The following KCNN2 variants were observed in gnomAD, a reference collection of about 807,000 sequenced individuals.
The protein encoded by KCNN2 is potassium calcium-activated channel subfamily N member 2, also known as small conductance calcium-activated potassium channel protein 2.
Under a neutral mutation model 55.5 loss-of-function variants are expected in KCNN2, and 24 were observed. That is an observed-to-expected ratio of 0.43 (90% CI 0.31 to 0.61). The LOEUF is 0.61. KCNN2 is among the 20% of genes least tolerant of loss of function. The pLI is 0.08. For missense variants in KCNN2, 754 were observed against 853.6 expected (o/e 0.88, Z 1.45); for synonymous variants, 431 against 336.1 (o/e 1.28, Z -3.09).
At chr5:114,417,249 G>A (rs1759333550) in intron 3 of KCNN2, among the ~76,000 whole-genome samples, 1 of 152,160 alleles carries the variant, frequency 6.6e-6, no homozygotes, top group African/African-American at 2.4e-5. Flanking sequence ...CTAATTTAAT[G>A]GTGACCAGCC....
intron 1 of KCNN2, among the ~76,000 whole-genome samples, chr5:114,101,974 G>A (rs1751382217): frequency 6.6e-6 from 1 of 152,122 alleles, no homozygotes; most frequent in Admixed American, 6.5e-5. Context: ...GGGTCAAATG[G>A]TATTTCGAGT....
chr5:114,451,313 G>A (rs1444459594), intron 3 of KCNN2, among the ~76,000 whole-genome samples: 4 of 152,090 alleles, frequency 2.6e-5, no homozygotes, highest in Admixed American at 6.6e-5. Context: ...GAACATAGCC[G>A]CTGATGGTCT....
intron 3 of KCNN2, among the ~76,000 whole-genome samples, chr5:114,434,948 ATTG>A (rs1422322627): frequency 2.0e-5 from 3 of 152,170 alleles, no homozygotes; most frequent in Non-Finnish European, 2.9e-5. Context: ...AGGGCAAGCT[ATTG>A]TTAAGAACAA....
intron 2 of KCNN2, among the ~76,000 whole-genome samples, chr5:114,245,632 G>A (rs1466177913): frequency 6.6e-6 from 1 of 152,034 alleles, no homozygotes; most frequent in Non-Finnish European, 1.5e-5. Flanking sequence ...ATCTGACTGT[G>A]AAATAACAAT....
intron 1 of KCNN2, among the ~76,000 whole-genome samples, chr5:114,100,101 A>G (rs1260519916): frequency 1.3e-5 from 2 of 152,082 alleles, no homozygotes; most frequent in Non-Finnish European, 2.9e-5. Context: ...TGAAAACAGT[A>G]GAAAGGAATG....
chr5:114,445,928 C>G (rs1388472150), intron 3 of KCNN2, among the ~76,000 whole-genome samples: 1 of 152,184 alleles, frequency 6.6e-6, no homozygotes, highest in Non-Finnish European at 1.5e-5. Context: ...ACAGTATGGG[C>G]AGGATCACGG....
chr5:114,456,106 A>G (rs939447328), intron 3 of KCNN2, among the ~76,000 whole-genome samples: 1 of 152,210 alleles, frequency 6.6e-6, no homozygotes, highest in African/African-American at 2.4e-5. Context: ...CTATTGGAAA[A>G]ATATGTCATC....
Position 114,291,311 on chromosome 5 carries a change from G to T in KCNN2, c.-184-69634G>T, listed in dbSNP as rs1755881807. ...CCATTAACTCATCATTTAGCATTAG[G>T]TTTATCTCCTAATGCTATCCCTCCC... On this transcript the variant is annotated intron_variant, in intron 2 of 10. Transcript: ENST00000512097. Among the ~76,000 whole-genome samples, 5 of 151,978 alleles carry T rather than the reference G, an allele frequency of 3.3e-5. No homozygotes were observed. The South Asian group carries it at 1.0e-3, about 32-fold the overall frequency.
chr5:114,385,900 C>T (rs570156760), intron 2 of KCNN2, among the ~76,000 whole-genome samples: 6 of 151,632 alleles, frequency 4.0e-5, no homozygotes, highest in South Asian at 2.1e-4. Flanking sequence ...GTATTAAGGC[C>T]GGGCGCAGTG....
At chr5:114,286,678 A>C (rs1408572235) in intron 2 of KCNN2, among the ~76,000 whole-genome samples, 1 of 152,172 alleles carries the variant, frequency 6.6e-6, no homozygotes, top group Non-Finnish European at 1.5e-5. Flanking sequence ...CAAGACTAGG[A>C]GAACAATTTT....
intron 1 of KCNN2, among the ~76,000 whole-genome samples, chr5:114,160,337 G>A (rs916257655): frequency 6.6e-6 from 1 of 152,128 alleles, no homozygotes; most frequent in African/African-American, 2.4e-5. Flanking sequence ...TTATTCCTGA[G>A]TTCTAGTTTG....
intron 1 of KCNN2, among the ~76,000 whole-genome samples, chr5:114,098,271 G>GT (rs1751303693): frequency 1.3e-5 from 2 of 152,028 alleles, no homozygotes; most frequent in Non-Finnish European, 2.9e-5. Context: ...CCATGTAAGG[G>GT]AACATTCACA....
At chr5:114,059,291 A>G (rs1561457904) in intron 1 of KCNN2, among the ~76,000 whole-genome samples, 1 of 152,208 alleles carries the variant, frequency 6.6e-6, no homozygotes, top group Non-Finnish European at 1.5e-5. Flanking sequence ...ACGTTCAAAG[A>G]AATCATATTT....
chr5:114,346,150 A>G (rs2150038426), intron 2 of KCNN2, among the ~76,000 whole-genome samples: 1 of 152,326 alleles, frequency 6.6e-6, no homozygotes, highest in African/African-American at 2.4e-5. Context: ...CAAAGCAGGA[A>G]TTGGGGTTGG....
intron 3 of KCNN2, among the ~76,000 whole-genome samples, chr5:114,425,259 A>G (rs1382104137): frequency 6.6e-6 from 1 of 152,246 alleles, no homozygotes; most frequent in Non-Finnish European, 1.5e-5. Flanking sequence ...CTTCCAATTC[A>G]CATGGCAGTT....
chr5:114,120,991 G>T (rs1265270584), intron 1 of KCNN2, among the ~76,000 whole-genome samples: 2 of 152,190 alleles, frequency 1.3e-5, no homozygotes, highest in South Asian at 4.1e-4. Flanking sequence ...ATCAATTGGG[G>T]TGTCTTGTGC....
intron 2 of KCNN2, among the ~76,000 whole-genome samples, chr5:114,278,315 T>G (rs1265695488): frequency 1.3e-5 from 2 of 152,054 alleles, no homozygotes; most frequent in African/African-American, 2.4e-5. Flanking sequence ...AGGGACCCAC[T>G]TGAGGAAGCA....
chr5:114,399,902 A>G (rs1181740443), intron 2 of KCNN2, among the ~76,000 whole-genome samples: 2 of 146,690 alleles, frequency 1.4e-5, no homozygotes, highest in African/African-American at 2.5e-5. Context: ...AGAGATGTAC[A>G]TAGTAGCCTT....
At chr5:114,385,154 T>A (rs1242594162) in intron 2 of KCNN2, among the ~76,000 whole-genome samples, 1 of 152,006 alleles carries the variant, frequency 6.6e-6, no homozygotes, top group Non-Finnish European at 1.5e-5. Context: ...GGCCACCAAT[T>A]TCTCTCTTTG....
Sources: gnomAD v4.1 joint callset for allele counts (sites outside exome capture counted in the v4.1 genomes callset) on GRCh38, gnomAD v4.1.1 for gene constraint, MANE v1.5 for transcripts, NCBI Gene and HGNC (gene_info 2026-07-23, HGNC 2026-07-21) for gene names.